The following VAT1L variants were observed in gnomAD, a reference collection of about 807,000 sequenced individuals.
The protein encoded by VAT1L is vesicle amine transport 1 like.
A neutral mutation model predicts 44.1 loss-of-function variants in VAT1L; 34 were observed. The observed-to-expected ratio is 0.77, with a 90% CI of 0.59 to 1.03. The LOEUF (loss-of-function observed/expected upper bound fraction) is 1.03. VAT1L is among the 50% of genes least tolerant of loss of function. VAT1L has a pLI of 0.00. For missense variants in VAT1L, 615 were observed against 538.8 expected, an observed-to-expected ratio of 1.14 and a Z score of -1.40; for synonymous variants, 253 against 202.2, an observed-to-expected ratio of 1.25 and a Z score of -2.13.
rs180835328 is a variant in VAT1L at position 77,950,893 on chromosome 16, G to A, written c.1078-20957G>A. On this transcript the variant is annotated intron_variant, in intron 7 of 8. Transcript: ENST00000302536. ...AATCAAATAATGGATGAAGGGAAAT[G>A]TCTCCTTATAAAATTATGGCAGCTA... Among the ~76,000 whole-genome samples, 7 of 152,224 alleles carry A rather than the reference G, an allele frequency of 4.6e-5. No individual in the cohort carries two copies. In the East Asian group the frequency reaches 1.4e-3, roughly 29 times the overall value.
intron 7 of VAT1L, among the ~76,000 whole-genome samples, chr16:77,937,458 G>T (rs1477664777): frequency 1.3e-5 from 2 of 152,014 alleles, no homozygotes; most frequent in South Asian, 2.1e-4. Flanking sequence ...AACACGAAGG[G>T]TGGCTTGACA....
intron 3 of VAT1L, among the ~76,000 whole-genome samples, chr16:77,844,023 C>G (rs1433550946): frequency 1.3e-5 from 2 of 152,174 alleles, no homozygotes; most frequent in Admixed American, 6.5e-5. Context: ...CAATGGCAAA[C>G]AAAATAGTCA....
intron 7 of VAT1L, among the ~76,000 whole-genome samples, chr16:77,930,674 T>A (rs1490343643): frequency 6.6e-6 from 1 of 152,168 alleles, no homozygotes; most frequent in African/African-American, 2.4e-5. Context: ...TCTCAGGGTG[T>A]TGAAAGCCCC....
intron 4 of VAT1L, among the ~76,000 whole-genome samples, chr16:77,866,444 C>G (rs1393069422): frequency 6.6e-6 from 1 of 151,792 alleles, no homozygotes; most frequent in African/African-American, 2.4e-5. Context: ...CAGATTCCAT[C>G]TACTCTGTGA....
rs72790980 is a variant in VAT1L at position 77,820,973 on chromosome 16, T to G, written c.363+3923T>G. 6.3e-3 allele frequency among the ~76,000 whole-genome samples: 967 copies of G among 152,296 alleles called. 6 individuals carry two copies. Among genetic ancestry groups the G allele is most frequent in the Non-Finnish European group, 0.011 (757 of 68,024 alleles). ...TCAATTGCAGACACTGGTTTTCCCCTTTAGACCTACAGATGTTTCCTATGA... is the reference window on the plus strand; with the variant it reads ...TCAATTGCAGACACTGGTTTTCCCCGTTAGACCTACAGATGTTTCCTATGA... On this transcript the variant is annotated intron_variant, in intron 2 of 8. Transcript: ENST00000302536.
In VAT1L at chr16:77,817,013, T is replaced by C. The variant is rs761263508; in HGVS notation, c.326T>C (p.Ile109Thr). Residue 109 changes from isoleucine to threonine, a missense_variant, in exon 2 of 9, where the codon ATT becomes ACT. By Grantham distance (89) the Ile-to-Thr change is moderately conservative. Coordinates refer to ENST00000302536, the MANE Select transcript of VAT1L (RefSeq NM_020927.3). The stretch of plus-strand genomic sequence containing the variant: ...GTGCCAGGATTTGAGTGTTCTGGGA[T>C]TGTTGAAGCTCTGGGGGACAGCGTG... ...PLVPGFECSGIVEALGDSVKG... is the reference protein window; with the variant it reads ...PLVPGFECSGTVEALGDSVKG... The C allele has an allele frequency of 1.9e-6, 3 of 1,614,030 alleles. No homozygotes were observed. In the South Asian group the frequency reaches 3.3e-5, roughly 18 times the overall value.
chr16:77,844,728 C>T (rs1239210758), intron 3 of VAT1L, among the ~76,000 whole-genome samples: 1 of 152,132 alleles, frequency 6.6e-6, no homozygotes, highest in Non-Finnish European at 1.5e-5. Context: ...ATATCAGAGA[C>T]TTGAACACCT....
At chr16:77,970,073 A>C (rs1042333585) in intron 7 of VAT1L, among the ~76,000 whole-genome samples, 28 of 150,106 alleles carry the variant, frequency 1.9e-4, no homozygotes, top group African/African-American at 6.1e-4. Context: ...AAAAAAAAAA[A>C]AAGGCAAAAA....
At chr16:77,829,660 G>A (rs767109482) in intron 3 of VAT1L, among the ~76,000 whole-genome samples, 3 of 152,164 alleles carry the variant, frequency 2.0e-5, no homozygotes, top group African/African-American at 4.8e-5. Context: ...TAAAGGAAAA[G>A]TAACAAAATA....
chr16:77,841,566 G>C (rs1802406682), intron 3 of VAT1L, among the ~76,000 whole-genome samples: 1 of 152,172 alleles, frequency 6.6e-6, no homozygotes, highest in South Asian at 2.1e-4. Flanking sequence ...ACAAATGTCA[G>C]ACTTTGTCCA....
chr16:77,899,838 C>T (rs925438802), intron 7 of VAT1L, among the ~76,000 whole-genome samples: 1 of 152,234 alleles, frequency 6.6e-6, no homozygotes, highest in African/African-American at 2.4e-5. Flanking sequence ...AGCACAGATT[C>T]CCTTGACTTT....
At chr16:77,918,615 C>A (rs922119999) in intron 7 of VAT1L, among the ~76,000 whole-genome samples, 1 of 152,114 alleles carries the variant, frequency 6.6e-6, no homozygotes, top group African/African-American at 2.4e-5. Flanking sequence ...TTTGGCTGAT[C>A]CATGCTGTAA....
intron 7 of VAT1L, among the ~76,000 whole-genome samples, chr16:77,940,084 A>G (rs758413646): frequency 9.2e-5 from 14 of 152,300 alleles, no homozygotes; most frequent in Non-Finnish European, 1.8e-4. Context: ...GCCTAAGACT[A>G]TGGTTTAAAG....
intron 1 of VAT1L, among the ~76,000 whole-genome samples, chr16:77,798,825 G>C (rs2015987800): frequency 6.6e-6 from 1 of 152,184 alleles, no homozygotes; most frequent in East Asian, 1.9e-4. Context: ...CTGTGTGCTA[G>C]AAACTGGACC....
chr16:77,948,587 C>A (rs996048850), intron 7 of VAT1L, among the ~76,000 whole-genome samples: 1 of 152,048 alleles, frequency 6.6e-6, no homozygotes, highest in East Asian at 1.9e-4. Flanking sequence ...ACACCCCCTG[C>A]CCCCATACTC....
At chr16:77,931,018 T>C (rs1490833681) in intron 7 of VAT1L, among the ~76,000 whole-genome samples, 1 of 152,194 alleles carries the variant, frequency 6.6e-6, no homozygotes, top group East Asian at 1.9e-4. Flanking sequence ...CCTCCTCATT[T>C]TACAGATTTA....
At chr16:77,823,415 T>C (rs538724113) in intron 2 of VAT1L, among the ~76,000 whole-genome samples, 62 of 152,274 alleles carry the variant, frequency 4.1e-4, no homozygotes, top group African/African-American at 1.4e-3. Flanking sequence ...TTTGAAAGCA[T>C]GAGCTGTACC....
intron 1 of VAT1L, among the ~76,000 whole-genome samples, chr16:77,795,859 A>G (rs1402154634): frequency 8.8e-6 from 1 of 114,202 alleles, no homozygotes; most frequent in Admixed American, 1.3e-4. Flanking sequence ...AGAGTTTTGC[A>G]CTGTCGCCCA....
intron 1 of VAT1L, among the ~76,000 whole-genome samples, chr16:77,814,503 G>A (rs891632216): frequency 6.6e-6 from 1 of 152,182 alleles, no homozygotes; most frequent in African/African-American, 2.4e-5. Flanking sequence ...CATGCTGGAT[G>A]GCGAATGCAG....
Sources: gnomAD v4.1 joint callset for allele counts (sites outside exome capture counted in the v4.1 genomes callset) on GRCh38, gnomAD v4.1.1 for gene constraint, MANE v1.5 for transcripts, NCBI Gene and HGNC (gene_info 2026-07-23, HGNC 2026-07-21) for gene names.